The following BRCA1 variants were observed in gnomAD, a reference collection of about 807,000 sequenced individuals.
BRCA1 encodes the protein BRCA1 DNA repair associated.
BRCA1 carries 140 observed loss-of-function variants against 173.7 expected under a neutral mutation model. The observed-to-expected ratio is 0.81, with a 90% CI of 0.70 to 0.93. The LOEUF is 0.93. Among genes scored for constraint, BRCA1 ranks in the 40% least tolerant of loss-of-function variants. The pLI is 0.00. For synonymous variants in BRCA1, 662 were observed against 756.0 expected, an observed-to-expected ratio of 0.88 and a Z score of 2.04; for missense variants, 1,983 against 2,172.5, an observed-to-expected ratio of 0.91 and a Z score of 1.73.
chr17:43,100,534 A>G (rs1414723355), intron 6 of BRCA1, among the ~76,000 whole-genome samples: 3 of 94,768 alleles, frequency 3.2e-5, no homozygotes, highest in Non-Finnish European at 6.5e-5. Context: ...GTATATATAT[A>G]TACATATATA....
intron 8 of BRCA1, among the ~76,000 whole-genome samples, chr17:43,096,642 C>T (rs752366485): frequency 6.6e-4 from 100 of 150,874 alleles, no homozygotes; most frequent in Admixed American, 1.4e-3. Flanking sequence ...GTTGGGGTTG[C>T]TTGTAGTTTA....
intron 22 of BRCA1, among the ~76,000 whole-genome samples, chr17:43,046,702 C>A (rs752155138): frequency 6.6e-6 from 1 of 150,772 alleles, no homozygotes; most frequent in African/African-American, 2.4e-5. Context: ...TTGCAGTGAG[C>A]CAAGACTGGG....
intron 1 of BRCA1, among the ~76,000 whole-genome samples, chr17:43,157,762 C>T (rs1202759473): frequency 1.3e-5 from 2 of 151,786 alleles, no homozygotes; most frequent in Admixed American, 6.6e-5. Flanking sequence ...TTTGGGAGGC[C>T]GAGGCAGGCA....
Position 43,044,369 on chromosome 17 carries a change from G to A in BRCA1, c.*1309C>T, listed in dbSNP as rs1432080410. On this transcript the variant is annotated 3_prime_UTR_variant, in exon 23 of 23. Transcript: ENST00000357654. ...TACAAAACGTATTTTGTACAATCAAGTCTTCACTGCCCTTGCACACTGGGG... is the reference window on the plus strand; with the variant it reads ...TACAAAACGTATTTTGTACAATCAAATCTTCACTGCCCTTGCACACTGGGG... The A allele has an allele frequency of 2.0e-6, 1 of 502,782 alleles. No individual in the cohort carries two copies. Among genetic ancestry groups the A allele is most frequent in the Non-Finnish European group, 3.9e-6 (1 of 256,304 alleles). The allele number at this position is 502,782 out of a possible 1,614,324, so 31.1% of individuals were successfully genotyped here.
At chr17:43,122,334 A>T (rs1597920665) in intron 2 of BRCA1, among the ~76,000 whole-genome samples, 1 of 152,224 alleles carries the variant, frequency 6.6e-6, no homozygotes, top group East Asian at 1.9e-4. Flanking sequence ...AATTTAGTTT[A>T]GTTTATTATT....
chr17:43,106,554 AAG>A, intron 3 of BRCA1, 21 bp from the exon 4 acceptor site: 1 of 1,526,016 alleles, frequency 6.6e-7, no homozygotes, highest in South Asian at 1.1e-5. Flanking sequence ...TAAAGAAAGA[AAG>A]AACAATTTAA....
intron 14 of BRCA1, among the ~76,000 whole-genome samples, chr17:43,072,950 C>A (rs139469099): frequency 1.3e-5 from 2 of 151,522 alleles, no homozygotes; most frequent in African/African-American, 2.4e-5. Flanking sequence ...CTCTTGGCCT[C>A]GAGCAATTCT....
intron 1 of BRCA1, among the ~76,000 whole-genome samples, chr17:43,134,587 C>T (rs552463663): frequency 1.3e-5 from 2 of 152,246 alleles, no homozygotes; most frequent in Admixed American, 6.5e-5. Flanking sequence ...AAAGGATTTC[C>T]CTACTAAATC....
intron 3 of BRCA1, among the ~76,000 whole-genome samples, chr17:43,109,597 T>C (rs781189797): frequency 5.9e-5 from 9 of 152,170 alleles, no homozygotes; most frequent in Non-Finnish European, 8.8e-5. Context: ...GTCAAAAAGC[T>C]ACCTCCACTG....
Position 43,080,681 on chromosome 17 carries a change from C to T in BRCA1, c.4357+1723G>A, listed in dbSNP as rs8176190. On this transcript the variant is annotated intron_variant, in intron 12 of 22. Coordinates refer to ENST00000357654, the MANE Select transcript of BRCA1 (RefSeq NM_007294.4). ...AAAATTAGCTGGGTATGGTGGTGGA[C>T]GCCTATAGTCCCAGCTACTTGGGAG... is the stretch of plus-strand genomic sequence containing the variant. Among the ~76,000 whole-genome samples the T allele has an allele frequency of 0.13, 19,510 of 151,834 alleles. 1,619 individuals carry two copies. Among genetic ancestry groups the T allele is most frequent in the South Asian group, 0.3 (1,427 of 4,806 alleles).
At chr17:43,100,184 A>G (rs1035576194) in intron 6 of BRCA1, among the ~76,000 whole-genome samples, 2 of 152,150 alleles carry the variant, frequency 1.3e-5, no homozygotes, top group African/African-American at 4.8e-5. Flanking sequence ...TAGTAGTAAT[A>G]ATAAAATGTG....
At chr17:43,108,951 C>T (rs2054916359) in intron 3 of BRCA1, among the ~76,000 whole-genome samples, 1 of 152,076 alleles carries the variant, frequency 6.6e-6, no homozygotes, top group Non-Finnish European at 1.5e-5. Flanking sequence ...TGAGATCGCG[C>T]CATTGCACTC....
chr17:43,093,848 A>G lies in BRCA1; in HGVS notation c.1683T>C (p.Ser561=), dbSNP rs1567798735. The G allele has an allele frequency of 6.2e-7, 1 of 1,613,630 alleles. No individual in the cohort carries two copies. Among genetic ancestry groups the G allele is most frequent in the Non-Finnish European group, 8.5e-7 (1 of 1,179,958 alleles). The change falls in exon 10 of 23, where the codon TCT becomes TCC. Residue 561 remains serine, a synonymous_variant. Coordinates refer to ENST00000357654, the MANE Select transcript of BRCA1 (RefSeq NM_007294.4). ...GGTTAGGATTTTTCTCATTCTGAAT[A>G]GAATCACCTTTTGTTTTATTCTCAT... ...SGHENKTKGD[S]IQNEKNPNPI...
chr17:43,048,687 G>GT (rs67906350), intron 21 of BRCA1, among the ~76,000 whole-genome samples: 238 of 135,514 alleles, frequency 1.8e-3, no homozygotes, highest in Middle Eastern at 3.9e-3. Context: ...GCTACTTTTT[G>GT]TTTTTTTTTT....
intron 6 of BRCA1, among the ~76,000 whole-genome samples, chr17:43,102,935 C>T (rs920848455): frequency 3.4e-5 from 5 of 148,390 alleles, no homozygotes; most frequent in African/African-American, 9.8e-5. Context: ...GCGTGAGCCA[C>T]GGCACCCAGC....
chr17:43,061,343 G>A (rs1261992860), intron 18 of BRCA1, among the ~76,000 whole-genome samples: 1 of 152,006 alleles, frequency 6.6e-6, no homozygotes, highest in Non-Finnish European at 1.5e-5. Context: ...CTATTCCACT[G>A]TTCTGTATAT....
intron 16 of BRCA1, among the ~76,000 whole-genome samples, chr17:43,066,881 G>A (rs1021792288): frequency 2.1e-5 from 3 of 145,262 alleles, no homozygotes; most frequent in Non-Finnish European, 3.0e-5. Flanking sequence ...GCAATGGTGC[G>A]ATCTTGGGTC....
chr17:43,045,961 C>T (rs1393887908), intron 22 of BRCA1, among the ~76,000 whole-genome samples, 159 bp from the exon 23 acceptor site: 2 of 139,342 alleles, frequency 1.4e-5, no homozygotes, highest in Middle Eastern at 4.8e-3. Context: ...CTTGCTCTGT[C>T]GCCGAGGCTA....
intron 11 of BRCA1, among the ~76,000 whole-genome samples, chr17:43,084,399 C>T (rs2053148989): frequency 6.6e-6 from 1 of 152,126 alleles, no homozygotes; most frequent in African/African-American, 2.4e-5. Context: ...CTCCTGACCT[C>T]AGGTGATCTG....
Sources: allele counts gnomAD v4.1 joint callset (sites outside exome capture counted in the v4.1 genomes callset), GRCh38; gene constraint gnomAD v4.1.1; transcripts MANE v1.5; gene names NCBI Gene and HGNC (gene_info 2026-07-23, HGNC 2026-07-21).